Variants in SREK1 observed in about 807,000 individuals in gnomAD.
SREK1 encodes the protein splicing regulatory glutamine/lysine-rich protein 1.
In SREK1, 13 loss-of-function variants were observed where a neutral mutation model predicts 66.5. The observed-to-expected ratio is 0.20, with a 90% CI of 0.13 to 0.31. The LOEUF (loss-of-function observed/expected upper bound fraction) is 0.31, where lower values mean the gene tolerates loss of function less well. Among genes scored for constraint, SREK1 ranks in the 10% least tolerant of loss-of-function variants. The probability of loss-of-function intolerance (pLI) is 1.00; values close to 1 mark genes in which losing one functional copy is unlikely to be tolerated. For missense variants in SREK1, 607 were observed against 769.6 expected, an observed-to-expected ratio of 0.79 and a Z score of 2.50; for synonymous variants, 265 against 263.5, an observed-to-expected ratio of 1.01 and a Z score of -0.05.
intron 3 of SREK1, 55 bp downstream of exon 3, chr5:66,159,389 T>A: frequency 7.2e-7 from 1 of 1,387,664 alleles, no homozygotes. Flanking sequence ...GTGTGACCAG[T>A]TGAATAGAGA....
chr5:66,151,887 C>T (rs570802962), intron 1 of SREK1, among the ~76,000 whole-genome samples: 2 of 131,468 alleles, frequency 1.5e-5, no homozygotes, highest in African/African-American at 2.9e-5. Context: ...GCTCTGTTGC[C>T]TAGGCTGGAG....
Position 66,178,705 on chromosome 5 carries a change from A to G in SREK1, c.1726-14A>G. On this transcript the variant is annotated splice_polypyrimidine_tract_variant and intron_variant, in intron 11 of 11. Coordinates refer to ENST00000334121, the MANE Select transcript of SREK1 (RefSeq NM_001077199.3). ...AGGAAAATATTAAATGCATACCTTA[A>G]TTACTCATTGTAGGAGAAAGAGCAC... is the stretch of plus-strand genomic sequence containing the variant. 1 of 1,583,142 alleles carries G rather than the reference A, an allele frequency of 6.3e-7. No individual in the cohort carries two copies. Among genetic ancestry groups the G allele is most frequent in the Non-Finnish European group, 8.6e-7 (1 of 1,162,724 alleles).
chr5:66,166,362 T>C (rs1405399820), intron 7 of SREK1: 1 of 152,230 alleles, frequency 6.6e-6, no homozygotes, highest in Non-Finnish European at 1.5e-5. Context: ...ATGAATAAAA[T>C]TGTTGTTTCT....
intron 7 of SREK1, chr5:66,166,791 A>G (rs1358698343): frequency 1.3e-5 from 2 of 152,144 alleles, no homozygotes; most frequent in African/African-American, 4.8e-5. Flanking sequence ...ATACATACAT[A>G]CTTTTGTCAG....
At chr5:66,151,691 A>C (rs1272488418) in intron 1 of SREK1, among the ~76,000 whole-genome samples, 4 of 152,132 alleles carry the variant, frequency 2.6e-5, no homozygotes. Flanking sequence ...CTGGATGTGC[A>C]TACAGTTAAC....
intron 2 of SREK1, 144 bp downstream of exon 2, chr5:66,153,740 T>C (rs1561496286): frequency 3.2e-6 from 3 of 924,504 alleles, no homozygotes; most frequent in Non-Finnish European, 4.9e-6. Flanking sequence ...TAAACCTTTT[T>C]ACCTAATAGT....
At chr5:66,171,710 G>A (rs1370826880) in intron 9 of SREK1, among the ~76,000 whole-genome samples, 1 of 152,064 alleles carries the variant, frequency 6.6e-6, no homozygotes, top group African/African-American at 2.4e-5. Flanking sequence ...TTGAGATAAA[G>A]GAATATATGT....
chr5:66,157,480 G>C, intron 2 of SREK1: 1 of 985,150 alleles, frequency 1.0e-6, no homozygotes, highest in Non-Finnish European at 1.2e-6. Flanking sequence ...AATTTATCAA[G>C]AATGTTCAGG....
At chr5:66,147,413 G>GT (rs1417871584) in intron 1 of SREK1, among the ~76,000 whole-genome samples, 2 of 152,072 alleles carry the variant, frequency 1.3e-5, no homozygotes, top group African/African-American at 4.8e-5. Context: ...TGCACAGGTC[G>GT]TAAGCGCAGG....
intron 5 of SREK1, 110 bp downstream of exon 5, chr5:66,162,702 A>G: frequency 9.8e-7 from 1 of 1,019,930 alleles, no homozygotes; most frequent in South Asian, 1.9e-5. Context: ...ATTTGTGGAA[A>G]GGAAGACTTT....
chr5:66,153,789 G>A (rs1580627935), intron 2 of SREK1, 193 bp downstream of exon 2: 1 of 593,950 alleles, frequency 1.7e-6, no homozygotes, highest in East Asian at 3.6e-5. Flanking sequence ...TACATTTGAG[G>A]TTTTACAATT....
At position 66,150,934 on chromosome 5, in the gene SREK1, G is replaced by A. The variant is rs184727893; in HGVS notation, c.162-2529G>A. ...CGGCTCACTGCAAACTCTGCCTCCC[G>A]GGTTCAAGCAATTCTTGTGCCTCAG... On this transcript the variant is annotated intron_variant, in intron 1 of 11. Transcript: ENST00000334121. 2.6e-3 allele frequency among the ~76,000 whole-genome samples: 388 copies of A among 151,600 alleles called. 4 individuals are homozygous for A. The highest frequency in any genetic ancestry group is 9.0e-3 in the African/African-American group (372 of 41,304).
At chr5:66,172,104 C>T (rs1016919757) in intron 9 of SREK1, among the ~76,000 whole-genome samples, 1 of 152,124 alleles carries the variant, frequency 6.6e-6, no homozygotes, top group Non-Finnish European at 1.5e-5. Context: ...GATTTCAGCA[C>T]ATTGAACCAC....
chr5:66,155,952 G>T, intron 2 of SREK1: 1 of 1,435,832 alleles, frequency 7.0e-7, no homozygotes, highest in Non-Finnish European at 9.4e-7. Flanking sequence ...ACATAACAAG[G>T]GTGTCAGCCT....
intron 11 of SREK1, 27 bp downstream of exon 11, chr5:66,177,685 C>A: frequency 1.3e-6 from 2 of 1,567,540 alleles, no homozygotes; most frequent in Non-Finnish European, 1.7e-6. Flanking sequence ...CGGTGTCTGG[C>A]ACTTGAAATG....
intron 10 of SREK1, among the ~76,000 whole-genome samples, chr5:66,175,456 G>A (rs1199599112): frequency 6.6e-6 from 1 of 152,024 alleles, no homozygotes; most frequent in Non-Finnish European, 1.5e-5. Flanking sequence ...GTAGGCTTCC[G>A]TTGTATGGCC....
intron 10 of SREK1, among the ~76,000 whole-genome samples, chr5:66,176,143 A>G (rs940711670): frequency 6.6e-6 from 1 of 152,044 alleles, no homozygotes; most frequent in African/African-American, 2.4e-5. Flanking sequence ...TATTTTACAA[A>G]TGCTTCCGTG....
At chr5:66,176,467 C>G (rs1746063597) in intron 10 of SREK1, among the ~76,000 whole-genome samples, 1 of 151,928 alleles carries the variant, frequency 6.6e-6, no homozygotes. Context: ...GAAATAAAAC[C>G]TATTGATGAT....
chr5:66,165,964 C>A (rs1471735393), intron 7 of SREK1: 1 of 152,122 alleles, frequency 6.6e-6, no homozygotes, highest in East Asian at 1.9e-4. Context: ...CAAGTATACA[C>A]CAGATATACT....
Sources: gnomAD v4.1 joint callset for allele counts (sites outside exome capture counted in the v4.1 genomes callset) on GRCh38, gnomAD v4.1.1 for gene constraint, MANE v1.5 for transcripts, NCBI Gene and HGNC (gene_info 2026-07-23, HGNC 2026-07-21) for gene names.